CHODL: variants seen among roughly 807,000 people sequenced by gnomAD.
CHODL encodes the protein chondrolectin.
A neutral mutation model predicts 34.5 loss-of-function variants in CHODL; 29 were observed. The ratio of observed to expected loss-of-function variants is 0.84; its 90% CI spans 0.63 to 1.15. The LOEUF (loss-of-function observed/expected upper bound fraction) is 1.15, where lower values mean the gene tolerates loss of function less well. CHODL is among the 50% of genes most tolerant of loss of function. CHODL has a pLI of 0.00. For synonymous variants in CHODL, 125 were observed against 116.1 expected (o/e 1.08, Z -0.49); for missense variants, 332 against 332.5 (o/e 1.00, Z 0.01).
intron 2 of CHODL, among the ~76,000 whole-genome samples, chr21:18,107,341 C>G (rs1568889655): frequency 6.6e-6 from 1 of 152,154 alleles, no homozygotes; most frequent in Non-Finnish European, 1.5e-5. Flanking sequence ...AACTTTTTGT[C>G]TCTACTCAAA....
At chr21:18,234,820 G>A (rs554071989) in intron 2 of CHODL, among the ~76,000 whole-genome samples, 1 of 152,142 alleles carries the variant, frequency 6.6e-6, no homozygotes, top group Non-Finnish European at 1.5e-5. Flanking sequence ...TCTGGTTCTG[G>A]GTTAACTTAC....
At chr21:18,141,815 A>C (rs951751311) in intron 2 of CHODL, among the ~76,000 whole-genome samples, 1 of 152,106 alleles carries the variant, frequency 6.6e-6, no homozygotes, top group Non-Finnish European at 1.5e-5. Context: ...AGAAGCAAAC[A>C]AGCTGAAGGT....
intron 2 of CHODL, among the ~76,000 whole-genome samples, chr21:18,205,789 T>C (rs112945471): frequency 0.16 from 23,693 of 149,160 alleles, 2,339 homozygotes; most frequent in African/African-American, 0.28. Context: ...CAGGCTGGAG[T>C]GCAGTGGTGC....
At chr21:18,014,181 T>C (rs559675270) in intron 1 of CHODL, among the ~76,000 whole-genome samples, 2 of 152,268 alleles carry the variant, frequency 1.3e-5, no homozygotes, top group Non-Finnish European at 2.9e-5. Context: ...GGAATGCTAA[T>C]GGTTGGTTCA....
chr21:18,110,882 T>C (rs564628130), intron 2 of CHODL, among the ~76,000 whole-genome samples: 32 of 152,282 alleles, frequency 2.1e-4, no homozygotes, highest in African/African-American at 7.5e-4. Context: ...CTCATTGTGC[T>C]TGACTTTTTT....
At chr21:18,095,052 A>T (rs955413415) in intron 2 of CHODL, among the ~76,000 whole-genome samples, 5 of 152,060 alleles carry the variant, frequency 3.3e-5, no homozygotes, top group Non-Finnish European at 7.4e-5. Flanking sequence ...TGAACCTGGG[A>T]AGCAGAGGTT....
chr21:17,979,753 G>C (rs2063699038), intron 1 of CHODL, among the ~76,000 whole-genome samples: 1 of 152,202 alleles, frequency 6.6e-6, no homozygotes, highest in South Asian at 2.1e-4. Flanking sequence ...TGGTTTCAGA[G>C]TGTTTGGTCT....
At chr21:18,032,567 T>G (rs2064260123) in intron 2 of CHODL, among the ~76,000 whole-genome samples, 2 of 152,106 alleles carry the variant, frequency 1.3e-5, no homozygotes, top group Non-Finnish European at 2.9e-5. Flanking sequence ...TGAAGATAGA[T>G]GACTTCAGGA....
chr21:18,171,060 C>A (rs1259968565), intron 2 of CHODL, among the ~76,000 whole-genome samples: 1 of 139,148 alleles, frequency 7.2e-6, no homozygotes, highest in Non-Finnish European at 1.5e-5. Flanking sequence ...CTTTGGCAGT[C>A]TTATTTTAGG....
intron 2 of CHODL, among the ~76,000 whole-genome samples, chr21:18,206,340 C>G (rs368805770): frequency 2.0e-5 from 3 of 152,176 alleles, no homozygotes; most frequent in African/African-American, 7.2e-5. Context: ...TATATATTTA[C>G]AATTCTTGTG....
intron 2 of CHODL, among the ~76,000 whole-genome samples, chr21:18,215,211 A>AAG (rs1491556737): frequency 2.6e-5 from 4 of 151,870 alleles, no homozygotes; most frequent in African/African-American, 9.7e-5. Context: ...AAAAAAAAAA[A>AAG]AGGTTTTATC....
intron 1 of CHODL, among the ~76,000 whole-genome samples, chr21:17,978,554 T>TAAAAAAAA: frequency 6.7e-6 from 1 of 149,522 alleles, no homozygotes; most frequent in Admixed American, 6.7e-5. Flanking sequence ...CCGTCTCTAC[T>TAAAAAAAA]AAAAATACAA....
chr21:18,175,774 C>T (rs1253491716), intron 2 of CHODL, among the ~76,000 whole-genome samples: 2 of 152,056 alleles, frequency 1.3e-5, no homozygotes, highest in Non-Finnish European at 2.9e-5. Context: ...TCTGGAAAGT[C>T]CTCTTTGAGG....
At chr21:18,078,291 A>G (rs2064891225) in intron 2 of CHODL, among the ~76,000 whole-genome samples, 1 of 152,190 alleles carries the variant, frequency 6.6e-6, no homozygotes, top group Non-Finnish European at 1.5e-5. Context: ...CCTATATGGC[A>G]GCAGGCAAGA....
intron 2 of CHODL, among the ~76,000 whole-genome samples, chr21:18,049,779 TA>T (rs1281504447): frequency 6.6e-6 from 1 of 152,028 alleles, no homozygotes; most frequent in East Asian, 1.9e-4. Flanking sequence ...CATTTTAACA[TA>T]ATCATCTCAT....
At chr21:17,963,314 C>T (rs2254434) in intron 1 of CHODL, among the ~76,000 whole-genome samples, 53,071 of 151,958 alleles carry the variant, frequency 0.35, 9,821 homozygotes, top group East Asian at 0.66. Context: ...AAAAATGATA[C>T]TAGAAGAAGG....
intron 1 of CHODL, among the ~76,000 whole-genome samples, chr21:17,955,534 A>G (rs534560297): frequency 7.3e-6 from 1 of 137,142 alleles, no homozygotes; most frequent in South Asian, 2.8e-4. Flanking sequence ...GGAATATTCA[A>G]TTAAAATTCT....
chr21:17,968,564 A>G (rs1249833144), intron 1 of CHODL, among the ~76,000 whole-genome samples: 1 of 152,150 alleles, frequency 6.6e-6, no homozygotes, highest in Non-Finnish European at 1.5e-5. Flanking sequence ...TTTTTCAGAA[A>G]CAATTTTACT....
At chr21:18,102,744 G>C (rs1272527147) in intron 2 of CHODL, among the ~76,000 whole-genome samples, 1 of 152,114 alleles carries the variant, frequency 6.6e-6, no homozygotes, top group Non-Finnish European at 1.5e-5. Context: ...GAACACTTGA[G>C]CCTAATGAAT....
Sources: gnomAD v4.1 joint callset for allele counts (sites outside exome capture counted in the v4.1 genomes callset) on GRCh38, gnomAD v4.1.1 for gene constraint, MANE v1.5 for transcripts, NCBI Gene and HGNC (gene_info 2026-07-23, HGNC 2026-07-21) for gene names.